Variants in EML1 observed in about 807,000 individuals in gnomAD.
EML1 encodes the protein echinoderm microtubule-associated protein-like 1.
In EML1, 27 loss-of-function variants were observed where a neutral mutation model predicts 110.4. The ratio of observed to expected loss-of-function variants is 0.24; its 90% CI spans 0.18 to 0.34. The LOEUF (loss-of-function observed/expected upper bound fraction) is 0.34, where lower values mean the gene tolerates loss of function less well. EML1 is among the 10% of genes least tolerant of loss of function. The pLI, the probability that EML1 is intolerant of heterozygous loss-of-function variation, is 1.00. For synonymous variants in EML1, 344 were observed against 385.8 expected (o/e 0.89, Z 1.27); for missense variants, 741 against 1,030.9 (o/e 0.72, Z 3.85).
intron 2 of EML1, among the ~76,000 whole-genome samples, chr14:99,861,775 C>T (rs2059007281): frequency 6.6e-6 from 1 of 152,146 alleles, no homozygotes; most frequent in Non-Finnish European, 1.5e-5. Flanking sequence ...AGCCACCATG[C>T]CTGGCCTCTG....
intron 1 of EML1, among the ~76,000 whole-genome samples, chr14:99,756,771 C>T (rs1972483): frequency 0.35 from 52,464 of 151,906 alleles, 11,066 homozygotes; most frequent in Admixed American, 0.5. Context: ...GTGCCCCCAG[C>T]GTTTGAAGTT....
At chr14:99,872,649 T>C (rs939441208) in intron 3 of EML1, among the ~76,000 whole-genome samples, 3 of 152,206 alleles carry the variant, frequency 2.0e-5, no homozygotes, top group Non-Finnish European at 4.4e-5. Flanking sequence ...CCCTTCCATT[T>C]GGAAGCTAGA....
chr14:99,879,948 T>C (rs2059358059), intron 4 of EML1, among the ~76,000 whole-genome samples: 1 of 152,200 alleles, frequency 6.6e-6, no homozygotes, highest in Non-Finnish European at 1.5e-5. Context: ...AGAATCTGCA[T>C]TGTGTAAACT....
chr14:99,856,170 G>A (rs1325771500), intron 2 of EML1, among the ~76,000 whole-genome samples: 1 of 152,170 alleles, frequency 6.6e-6, no homozygotes, highest in Non-Finnish European at 1.5e-5. Context: ...CTACACAAGG[G>A]CTAAATCTGG....
At chr14:99,896,061 T>C (rs963056308) in intron 6 of EML1, among the ~76,000 whole-genome samples, 3 of 152,096 alleles carry the variant, frequency 2.0e-5, no homozygotes, top group Admixed American at 6.6e-5. Context: ...AAATAGAAAC[T>C]GTGAAAAAGG....
chr14:99,892,077 C>G lies in EML1; in HGVS notation c.547+850C>G, dbSNP rs968545768. On this transcript the variant is annotated intron_variant, in intron 5 of 21. Transcript: ENST00000262233. ...GTGTTGGCCTGCGGGCTAGTGAGGG[C>G]TCCGGGCTCCGGGGCAGGCAGGCCA... 3.2e-6 allele frequency: 3 copies of G among 951,682 alleles called. No homozygotes were observed. The African/African-American group carries it at 5.3e-5, about 17-fold the overall frequency. 59.0% of individuals were successfully genotyped at this position (951,682 alleles called of 1,614,324 possible).
chr14:99,897,206 G>A lies in EML1; in HGVS notation c.739G>A (p.Val247Ile), dbSNP rs749465112. Residue 247 changes from valine to isoleucine, a missense_variant, in exon 7 of 22, where the codon GTC (valine) becomes ATC (isoleucine). Physicochemically the swap from Val to Ile is conservative, Grantham distance 29. Transcript: ENST00000262233. ...NLYLLPTGET[V>I]YFIASVVVLY... ...GTACTTGCTTCCGACGGGAGAGACC[G>A]TCTACTTCATCGCATCCGTGGTGGT... 1.2e-5 allele frequency: 19 copies of A among 1,612,636 alleles called. No individual in the cohort carries two copies. The Admixed American group carries it at 1.8e-4, about 16-fold the overall frequency.
In EML1 at chr14:99,937,924, G is replaced by T. The variant is rs1348162736; in HGVS notation, c.2191+12G>T. The T allele has an allele frequency of 6.2e-7, 1 of 1,611,560 alleles. No individual in the cohort carries two copies. Among genetic ancestry groups the T allele is most frequent in the Non-Finnish European group, 8.5e-7 (1 of 1,177,864 alleles). Reference sequence around the variant, plus strand: ...ATTCCATGTTTTTGGTAAGTTTGCTGCAGATTTCACTGGTTCCAACAAAAG... The same window carrying T: ...ATTCCATGTTTTTGGTAAGTTTGCTTCAGATTTCACTGGTTCCAACAAAAG... On this transcript the variant is annotated intron_variant, in intron 20 of 21. Coordinates refer to ENST00000262233, the MANE Select transcript of EML1 (RefSeq NM_004434.3).
intron 1 of EML1, among the ~76,000 whole-genome samples, chr14:99,752,329 AAC>A (rs955244997): frequency 6.6e-6 from 1 of 152,172 alleles, no homozygotes; most frequent in Non-Finnish European, 1.5e-5. Flanking sequence ...TACACACATA[AAC>A]ACACTCTCAG....
At chr14:99,767,143 A>G (rs10139444) in intron 1 of EML1, among the ~76,000 whole-genome samples, 99,472 of 152,142 alleles carry the variant, frequency 0.65, 32,933 homozygotes, top group South Asian at 0.8. Flanking sequence ...CTTCTGCTAA[A>G]AAGTGGGCTA....
intron 1 of EML1, among the ~76,000 whole-genome samples, chr14:99,765,973 T>C (rs933969951): frequency 1.3e-5 from 2 of 152,158 alleles, no homozygotes; most frequent in Non-Finnish European, 2.9e-5. Flanking sequence ...TACACATTCA[T>C]GGCTAACGAT....
At chr14:99,916,413 T>A (rs2060034946) in intron 15 of EML1, among the ~76,000 whole-genome samples, 1 of 152,232 alleles carries the variant, frequency 6.6e-6, no homozygotes, top group Admixed American at 6.5e-5. Context: ...ATATCAAGTT[T>A]CTTTCTCTTG....
At position 99,914,318 on chromosome 14, in the gene EML1, C is replaced by T. The variant is rs2059996816; in HGVS notation, c.1620+14C>T. 2 of 1,600,490 alleles carry T rather than the reference C, an allele frequency of 1.2e-6. No individual in the cohort carries two copies. The highest frequency in any genetic ancestry group is 2.7e-5 in the African/African-American group (2 of 74,596). On this transcript the variant is annotated intron_variant, in intron 14 of 21. Transcript: ENST00000262233. ...CCCATTACTCAGGTACGATCCCACT[C>T]AGCAGGCCCGGCAAACACTCTCATT...
At chr14:99,891,351 G>T in intron 5 of EML1, 124 bp downstream of exon 5, 1 of 1,211,878 alleles carries the variant, frequency 8.3e-7, no homozygotes, top group Non-Finnish European at 1.2e-6. Flanking sequence ...GTTTGTGCAG[G>T]CCCAGATGGA....
intron 13 of EML1, among the ~76,000 whole-genome samples, chr14:99,912,551 T>C (rs755073692): frequency 7.2e-5 from 11 of 152,218 alleles, no homozygotes; most frequent in Admixed American, 2.0e-4. Flanking sequence ...AAAACACTTA[T>C]ATTTTACATC....
intron 4 of EML1, among the ~76,000 whole-genome samples, chr14:99,887,568 C>T (rs2059502380): frequency 6.6e-6 from 1 of 152,172 alleles, no homozygotes; most frequent in South Asian, 2.1e-4. Flanking sequence ...GAGCCACACC[C>T]CAGCTGCTGA....
At chr14:99,901,173 C>T (rs539837442) in intron 9 of EML1, 134 bp downstream of exon 9, 1 of 723,548 alleles carries the variant, frequency 1.4e-6, no homozygotes, top group Admixed American at 2.4e-5. Context: ...TGAAACATTC[C>T]TGCTTCCCAG....
intron 1 of EML1, among the ~76,000 whole-genome samples, chr14:99,834,325 C>A (rs2058505587): frequency 6.9e-6 from 1 of 145,524 alleles, no homozygotes; most frequent in African/African-American, 2.6e-5. Flanking sequence ...TTTTTTGAGA[C>A]AAAGTCTTGC....
chr14:99,772,635 T>C (rs77265103), upstream of EML1, among the ~76,000 whole-genome samples: 8,989 of 152,318 alleles, frequency 0.059, 364 homozygotes, highest in African/African-American at 0.11. Context: ...AGCGTTTGTG[T>C]TGTCTGCAGG....
Sources: allele counts gnomAD v4.1 joint callset (sites outside exome capture counted in the v4.1 genomes callset), GRCh38; gene constraint gnomAD v4.1.1; transcripts MANE v1.5; gene names NCBI Gene and HGNC (gene_info 2026-07-23, HGNC 2026-07-21).